CD72: variants seen among roughly 807,000 people sequenced by gnomAD.
CD72 encodes the protein B-cell differentiation antigen CD72.
Under a neutral mutation model 50.7 loss-of-function variants are expected in CD72, and 28 were observed. That is an observed-to-expected ratio of 0.55 (90% confidence interval 0.41 to 0.76). The LOEUF (loss-of-function observed/expected upper bound fraction) is 0.76. Among genes scored for constraint, CD72 ranks in the 30% least tolerant of loss-of-function variants. The probability of loss-of-function intolerance (pLI) is 0.00; values close to 1 mark genes in which losing one functional copy is unlikely to be tolerated. For synonymous variants in CD72, 176 were observed against 171.2 expected (o/e 1.03, Z -0.22); for missense variants, 403 against 420.6 (o/e 0.96, Z 0.37).
chr9:35,636,057 C>G (rs1223469751), intron 1 of CD72, among the ~76,000 whole-genome samples: 3 of 152,122 alleles, frequency 2.0e-5, no homozygotes, highest in African/African-American at 7.2e-5. Flanking sequence ...GAGGTTTTTA[C>G]TTTTATTTTT....
At chr9:35,632,449 C>T (rs1823254209) in intron 1 of CD72, among the ~76,000 whole-genome samples, 2 of 152,110 alleles carry the variant, frequency 1.3e-5, no homozygotes, top group East Asian at 3.8e-4. Flanking sequence ...GGATTACAGG[C>T]TTGAGCCACT....
At chr9:35,645,613 T>A (rs1375168676) in intron 1 of CD72, among the ~76,000 whole-genome samples, 7 of 151,664 alleles carry the variant, frequency 4.6e-5, no homozygotes, top group African/African-American at 2.4e-5. Context: ...AAAAACTTGG[T>A]CTGTATTATG....
intron 1 of CD72, among the ~76,000 whole-genome samples, chr9:35,638,685 C>G (rs1823312871): frequency 6.6e-6 from 1 of 151,264 alleles, no homozygotes; most frequent in African/African-American, 2.4e-5. Context: ...CACCCTCTCC[C>G]CAGATGAACA....
chr9:35,611,116 C>T (rs1481601280), intron 7 of CD72, among the ~76,000 whole-genome samples: 4 of 151,864 alleles, frequency 2.6e-5, no homozygotes, highest in East Asian at 1.9e-4. Flanking sequence ...CCGGGCATGG[C>T]GGTGTGCGCC....
chr9:35,643,038 C>G (rs569317526), intron 1 of CD72: 1 of 152,244 alleles, frequency 6.6e-6, no homozygotes, highest in Non-Finnish European at 1.5e-5. Flanking sequence ...CCCACAACCA[C>G]GTCTCCAGCA....
At chr9:35,626,965 G>A (rs752570115) in intron 1 of CD72, among the ~76,000 whole-genome samples, 131 of 150,036 alleles carry the variant, frequency 8.7e-4, no homozygotes, top group Non-Finnish European at 1.6e-3. Flanking sequence ...CTACTCCCGA[G>A]TAGCTGGGAC....
At chr9:35,645,582 A>G (rs1823384130) in intron 1 of CD72, among the ~76,000 whole-genome samples, 2 of 108,208 alleles carry the variant, frequency 1.8e-5, no homozygotes, top group South Asian at 3.1e-4. Flanking sequence ...ACTCCGTCTC[A>G]AAAAACAAAA....
chr9:35,617,171 C>G lies in CD72; in HGVS notation c.262+5G>C. ...CCCGCGGCTGCCCCGCACAGGCACA[C>G]TCACAGGGGAGAATCCGCCCGACAG... is the stretch of plus-strand genomic sequence containing the variant. On this transcript the variant is annotated splice_donor_5th_base_variant and intron_variant, in intron 3 of 8. Coordinates refer to ENST00000259633, the MANE Select transcript of CD72 (RefSeq NM_001782.3). 6.4e-7 allele frequency: 1 copy of G among 1,560,900 alleles called. No individual in the cohort carries two copies. The highest frequency in any genetic ancestry group is 8.7e-7 in the Non-Finnish European group (1 of 1,152,208).
In CD72 at chr9:35,610,654, A is replaced by C. The variant is rs752410604; in HGVS notation, c.1050T>G (p.Cys350Trp). ...ESCRSSLPYI[C>W]EMTAFRFPD ...CTGGAAACCTGAAAGCTGTCATCTC[A>C]CAGATGTAGGGAAGAGAACTTCTAC... The change falls in exon 8 of 9, where the codon TGT becomes TGG. Residue 350 changes from cysteine (C) to tryptophan (W), a missense_variant. Physicochemically the swap from Cys to Trp is radical, Grantham distance 215. Coordinates refer to ENST00000259633, the MANE Select transcript of CD72 (RefSeq NM_001782.3). The C allele has an allele frequency of 9.9e-6, 16 of 1,613,782 alleles. No homozygotes were observed. Among genetic ancestry groups the C allele is most frequent in the Non-Finnish European group, 3.4e-6 (4 of 1,179,800 alleles).
chr9:35,635,085 G>T (rs1160630546), intron 1 of CD72, among the ~76,000 whole-genome samples: 2 of 152,162 alleles, frequency 1.3e-5, no homozygotes, highest in Non-Finnish European at 2.9e-5. Context: ...ATTCCATCTG[G>T]GGGTCTTTTA....
At chr9:35,617,989 C>T (rs1225528011) in intron 2 of CD72, 25 bp downstream of exon 2, 10 of 1,390,898 alleles carry the variant, frequency 7.2e-6, no homozygotes, top group Non-Finnish European at 1.0e-5. Flanking sequence ...CCCCAACAAA[C>T]ACACATCCCC....
intron 5 of CD72, among the ~76,000 whole-genome samples, chr9:35,613,398 T>C (rs1167923073): frequency 6.6e-6 from 1 of 152,034 alleles, no homozygotes; most frequent in Admixed American, 6.6e-5. Flanking sequence ...AAGCAGAAAA[T>C]GTTGTGTACT....
intron 1 of CD72, among the ~76,000 whole-genome samples, chr9:35,634,313 C>G (rs111613205): frequency 0.011 from 1,611 of 152,234 alleles, 17 homozygotes; most frequent in Middle Eastern, 0.031. Flanking sequence ...TTCCAGAATA[C>G]TTTAATTACC....
Position 35,610,032 on chromosome 9 carries a change from T to G in CD72, c.*291A>C. 2 of 371,046 alleles carry G rather than the reference T, an allele frequency of 5.4e-6. No homozygotes were observed. The highest frequency in any genetic ancestry group is 9.7e-6 in the Non-Finnish European group (2 of 206,286). The allele number at this position is 371,046 out of a possible 1,614,324, so 23.0% of individuals were successfully genotyped here. On this transcript the variant is annotated 3_prime_UTR_variant, in exon 9 of 9. Transcript: ENST00000259633. ...TGCCTGGCTGGCTCCGGGCCGCCCC[T>G]ATCCGCTCAGCCCGTGCGCCCTCCT...
Position 35,617,165 on chromosome 9 carries a change from G to C in CD72, c.262+11C>G. 6.4e-7 allele frequency: 1 copy of C among 1,558,806 alleles called. No individual in the cohort carries two copies. The highest frequency in any genetic ancestry group is 8.7e-7 in the Non-Finnish European group (1 of 1,151,154). The stretch of plus-strand genomic sequence containing the variant: ...CTTGGCCCCGCGGCTGCCCCGCACA[G>C]GCACACTCACAGGGGAGAATCCGCC... On this transcript the variant is annotated intron_variant, in intron 3 of 8. Transcript: ENST00000259633.
upstream of CD72, chr9:35,619,628 C>T (rs919110617): frequency 1.3e-5 from 2 of 152,354 alleles, no homozygotes; most frequent in African/African-American, 2.4e-5. Context: ...TGAGGCAAAG[C>T]TGTGACCTCA....
Position 35,616,618 on chromosome 9 carries a change from T to C in CD72, c.334A>G (p.Ile112Val). 1.2e-6 allele frequency: 2 copies of C among 1,613,904 alleles called. No homozygotes were observed. Among genetic ancestry groups the C allele is most frequent in the Non-Finnish European group, 1.7e-6 (2 of 1,179,906 alleles). Residue 112 changes from isoleucine to valine, a missense_variant, in exon 4 of 9, where the codon ATC becomes GTC. Coordinates refer to ENST00000259633, the MANE Select transcript of CD72 (RefSeq NM_001782.3). ...TACTCACAGCGCACTCCCAGGCAGATGGCGGTCACTCCTAACAGCAGGCAG... is the reference window on the plus strand; with the variant it reads ...TACTCACAGCGCACTCCCAGGCAGACGGCGGTCACTCCTAACAGCAGGCAG... ...LTCLLLGVTA[I>V]CLGVRYLQVS...
chr9:35,618,781 C>T, upstream of CD72: 1 of 1,288,006 alleles, frequency 7.8e-7, no homozygotes. Flanking sequence ...GCTCCGTTCT[C>T]CCCATGAGAC....
intron 1 of CD72, among the ~76,000 whole-genome samples, chr9:35,635,390 T>C (rs796982001): frequency 6.6e-6 from 1 of 152,336 alleles, no homozygotes; most frequent in Non-Finnish European, 1.5e-5. Context: ...CAATTCTATA[T>C]TTTTGTGCTA....
Sources: gnomAD v4.1 joint callset for allele counts (sites outside exome capture counted in the v4.1 genomes callset) on GRCh38, gnomAD v4.1.1 for gene constraint, MANE v1.5 for transcripts, NCBI Gene and HGNC (gene_info 2026-07-23, HGNC 2026-07-21) for gene names.